CNTNAP2: variants seen among roughly 807,000 people sequenced by gnomAD.
The protein encoded by CNTNAP2 is contactin associated protein 2, also known as contactin-associated protein-like 2.
CNTNAP2 carries 98 observed loss-of-function variants against 155.2 expected under a neutral mutation model. That is an observed-to-expected ratio of 0.63 (90% confidence interval 0.54 to 0.75). The LOEUF is 0.75. Among genes scored for constraint, CNTNAP2 ranks in the 30% least tolerant of loss-of-function variants. The probability of loss-of-function intolerance (pLI) is 0.00; values close to 1 mark genes in which losing one functional copy is unlikely to be tolerated. For synonymous variants in CNTNAP2, 651 were observed against 631.2 expected (o/e 1.03, Z -0.47); for missense variants, 1,727 against 1,688.1 (o/e 1.02, Z -0.40).
chr7:147,623,545 T>A (rs1410615859), intron 12 of CNTNAP2, among the ~76,000 whole-genome samples: 1 of 151,796 alleles, frequency 6.6e-6, no homozygotes, highest in African/African-American at 2.4e-5. Flanking sequence ...GAATTAACCA[T>A]AAAGTGAAAG....
chr7:147,890,227 T>G (rs1799667528), intron 13 of CNTNAP2, among the ~76,000 whole-genome samples: 1 of 152,230 alleles, frequency 6.6e-6, no homozygotes, highest in South Asian at 2.1e-4. Flanking sequence ...TATCAAATAA[T>G]GATGACAGCA....
intron 21 of CNTNAP2, among the ~76,000 whole-genome samples, chr7:148,327,812 G>C (rs1232175485): frequency 6.6e-6 from 1 of 152,142 alleles, no homozygotes; most frequent in Admixed American, 6.5e-5. Flanking sequence ...TAGAGAATCT[G>C]GTCTCTGGAT....
chr7:148,008,358 C>T (rs1257176344), intron 15 of CNTNAP2, among the ~76,000 whole-genome samples: 1 of 152,086 alleles, frequency 6.6e-6, no homozygotes, highest in Non-Finnish European at 1.5e-5. Context: ...GGTGACAGAG[C>T]AAGACTCCAT....
At chr7:147,609,033 C>T (rs1801129296) in intron 12 of CNTNAP2, among the ~76,000 whole-genome samples, 1 of 152,062 alleles carries the variant, frequency 6.6e-6, no homozygotes, top group African/African-American at 2.4e-5. Context: ...TTACTTCAGG[C>T]CATCTGGATG....
chr7:147,000,607 T>C (rs771253366), intron 3 of CNTNAP2, among the ~76,000 whole-genome samples: 2 of 152,152 alleles, frequency 1.3e-5, no homozygotes, highest in East Asian at 1.9e-4. Context: ...ACTGCAGCTA[T>C]TGCAGTACTA....
chr7:147,537,756 C>T (rs1240878599), intron 11 of CNTNAP2, among the ~76,000 whole-genome samples: 1 of 152,078 alleles, frequency 6.6e-6, no homozygotes, highest in Non-Finnish European at 1.5e-5. Flanking sequence ...CTTCATATAA[C>T]AAGGGTCCAG....
intron 1 of CNTNAP2, among the ~76,000 whole-genome samples, chr7:146,580,788 G>A (rs1214052546): frequency 6.6e-6 from 1 of 152,056 alleles, no homozygotes; most frequent in Non-Finnish European, 1.5e-5. Context: ...TGGATATTTT[G>A]TACGTTTTCA....
At chr7:147,148,039 C>A (rs557709060) in intron 8 of CNTNAP2, among the ~76,000 whole-genome samples, 1 of 152,060 alleles carries the variant, frequency 6.6e-6, no homozygotes, top group Non-Finnish European at 1.5e-5. Flanking sequence ...TAGATAAATA[C>A]ATAAAACATT....
chr7:148,363,020 T>C (rs368404749), intron 21 of CNTNAP2, among the ~76,000 whole-genome samples: 22 of 152,322 alleles, frequency 1.4e-4, no homozygotes, highest in African/African-American at 5.1e-4. Flanking sequence ...CGCTTTTTGT[T>C]GCCCAGGCTG....
intron 21 of CNTNAP2, among the ~76,000 whole-genome samples, chr7:148,308,415 A>G (rs1046611234): frequency 7.9e-5 from 12 of 152,230 alleles, no homozygotes; most frequent in African/African-American, 2.9e-4. Context: ...GTCCGTATCC[A>G]TGGCTAAGAA....
intron 3 of CNTNAP2, among the ~76,000 whole-genome samples, chr7:146,912,622 A>G (rs1411558033): frequency 6.6e-6 from 1 of 152,074 alleles, no homozygotes; most frequent in Non-Finnish European, 1.5e-5. Flanking sequence ...TCCCCTTTAA[A>G]CCTCAAGAAA....
intron 8 of CNTNAP2, among the ~76,000 whole-genome samples, chr7:147,269,816 G>A (rs1014879498): frequency 1.3e-5 from 2 of 152,142 alleles, no homozygotes; most frequent in African/African-American, 4.8e-5. Flanking sequence ...CTACTTGGAG[G>A]CTGAGGCAGG....
At chr7:147,353,163 G>A (rs941580341) in intron 9 of CNTNAP2, among the ~76,000 whole-genome samples, 11 of 150,936 alleles carry the variant, frequency 7.3e-5, no homozygotes, top group African/African-American at 2.4e-4. Flanking sequence ...ATATGTATAT[G>A]TATACTTTAA....
chr7:146,972,107 G>T (rs1797812564), intron 3 of CNTNAP2, among the ~76,000 whole-genome samples: 1 of 152,126 alleles, frequency 6.6e-6, no homozygotes, highest in South Asian at 2.1e-4. Context: ...TACAATTAAT[G>T]GTCATTGTAA....
At chr7:146,297,839 G>A (rs1272108025) in intron 1 of CNTNAP2, among the ~76,000 whole-genome samples, 3 of 152,080 alleles carry the variant, frequency 2.0e-5, no homozygotes, top group South Asian at 2.1e-4. Context: ...CATGTTGAAT[G>A]CTACAAACAC....
chr7:146,176,317 T>C (rs1293853949), intron 1 of CNTNAP2, among the ~76,000 whole-genome samples: 2 of 152,168 alleles, frequency 1.3e-5, no homozygotes, highest in African/African-American at 2.4e-5. Flanking sequence ...ATGGATCATA[T>C]TGCCTCTCAG....
At chr7:147,946,957 A>G (rs778615474) in intron 14 of CNTNAP2, among the ~76,000 whole-genome samples, 4 of 152,190 alleles carry the variant, frequency 2.6e-5, no homozygotes, top group Non-Finnish European at 2.9e-5. Context: ...ACTTATTTGT[A>G]TACCCTTCTT....
At chr7:146,174,896 A>C in intron 1 of CNTNAP2, among the ~76,000 whole-genome samples, 1 of 152,170 alleles carries the variant, frequency 6.6e-6, no homozygotes, top group South Asian at 2.1e-4. Context: ...ATAATCAATA[A>C]ATTACATATT....
intron 18 of CNTNAP2, among the ~76,000 whole-genome samples, chr7:148,211,523 T>A (rs1795548521): frequency 6.6e-6 from 1 of 152,184 alleles, no homozygotes; most frequent in Non-Finnish European, 1.5e-5. Context: ...AATGACATCA[T>A]GTTGGTAGCT....
Sources: gnomAD v4.1 joint callset for allele counts (sites outside exome capture counted in the v4.1 genomes callset) on GRCh38, gnomAD v4.1.1 for gene constraint, MANE v1.5 for transcripts, NCBI Gene and HGNC (gene_info 2026-07-23, HGNC 2026-07-21) for gene names.